Variants in USH2A observed in about 807,000 individuals in gnomAD.
The protein encoded by USH2A is Usher syndrome 2A (autosomal recessive, mild).
A neutral mutation model predicts 538.9 loss-of-function variants in USH2A; 443 were observed. That is an observed-to-expected ratio of 0.82 (90% CI 0.76 to 0.89). The LOEUF (loss-of-function observed/expected upper bound fraction) is 0.89, where lower values mean the gene tolerates loss of function less well. Ranked by LOEUF, USH2A falls within the 40% of genes least tolerant of loss-of-function variation. The pLI is 0.00. For missense variants in USH2A, 6,633 were observed against 6,324.8 expected, an observed-to-expected ratio of 1.05 and a Z score of -1.65; for synonymous variants, 2,413 against 2,273.5, an observed-to-expected ratio of 1.06 and a Z score of -1.75.
chr1:215,660,689 C>A (rs1472555159), intron 64 of USH2A, among the ~76,000 whole-genome samples: 1 of 151,902 alleles, frequency 6.6e-6, no homozygotes, highest in Non-Finnish European at 1.5e-5. Context: ...CAAACATGAA[C>A]AAAAGAAAAA....
intron 16 of USH2A, among the ~76,000 whole-genome samples, chr1:216,204,575 A>G (rs1440384910): frequency 2.0e-5 from 3 of 152,168 alleles, no homozygotes; most frequent in African/African-American, 7.2e-5. Context: ...AAAGGTCTCA[A>G]ACAAACTATC....
At chr1:216,177,696 C>A (rs1033769037) in intron 20 of USH2A, among the ~76,000 whole-genome samples, 2 of 152,014 alleles carry the variant, frequency 1.3e-5, no homozygotes, top group Non-Finnish European at 2.9e-5. Context: ...CCTGGGAAAC[C>A]CTAGGAGTCA....
intron 37 of USH2A, among the ~76,000 whole-genome samples, chr1:215,949,182 A>G (rs1266573837): frequency 6.6e-6 from 1 of 152,074 alleles, no homozygotes; most frequent in Non-Finnish European, 1.5e-5. Flanking sequence ...AAATATTATA[A>G]TAAAAATAAA....
intron 15 of USH2A, among the ~76,000 whole-genome samples, chr1:216,215,404 A>G (rs763046503): frequency 8.5e-5 from 13 of 152,058 alleles, no homozygotes; most frequent in Admixed American, 3.3e-4. Context: ...TGTGAAGCCA[A>G]TTGTTCTGGC....
intron 65 of USH2A, 149 bp downstream of exon 65, chr1:215,650,443 G>T (rs1571930668): frequency 1.1e-6 from 1 of 911,738 alleles, no homozygotes; most frequent in Non-Finnish European, 1.7e-6. Context: ...CTTCTCTGAG[G>T]GATATTTGTG....
At chr1:216,377,431 C>G (rs779711561) in intron 3 of USH2A, among the ~76,000 whole-genome samples, 18 of 152,020 alleles carry the variant, frequency 1.2e-4, no homozygotes, top group Non-Finnish European at 2.2e-4. Context: ...TAGGTATTTA[C>G]GGGTCAAATG....
intron 58 of USH2A, 51 bp from the exon 59 acceptor site, chr1:215,743,386 A>ATATATATATATATATGTGTGTG: frequency 3.2e-6 from 1 of 310,002 alleles, no homozygotes; most frequent in African/African-American, 3.3e-5. Flanking sequence ...ATATATATAT[A>ATATATATATATATATGTGTGTG]TGTGTGTGTG....
intron 37 of USH2A, among the ~76,000 whole-genome samples, chr1:215,940,058 T>C (rs972126686): frequency 1.3e-5 from 2 of 152,112 alleles, no homozygotes; most frequent in Admixed American, 6.6e-5. Context: ...ATGACAAAGA[T>C]TATAATGAGA....
At chr1:215,887,262 T>C (rs1665083846) in intron 41 of USH2A, among the ~76,000 whole-genome samples, 1 of 152,222 alleles carries the variant, frequency 6.6e-6, no homozygotes, top group Non-Finnish European at 1.5e-5. Context: ...GTGTTGCCTT[T>C]GTAAAGAGAC....
In USH2A at chr1:216,421,833, T is replaced by C. The variant is rs777536862; in HGVS notation, c.485+19A>G. The C allele has an allele frequency of 6.2e-7, 1 of 1,613,860 alleles. No homozygotes were observed. On this transcript the variant is annotated intron_variant, in intron 2 of 71. Transcript: ENST00000307340. ...GGTTTTGGGGACCTATGAAAGCTTATACCTACACTACTACTTACATTACAC... is the reference window on the plus strand; with the variant it reads ...GGTTTTGGGGACCTATGAAAGCTTACACCTACACTACTACTTACATTACAC...
intron 21 of USH2A, among the ~76,000 whole-genome samples, chr1:216,121,608 A>G (rs1446940249): frequency 6.6e-6 from 1 of 152,168 alleles, no homozygotes; most frequent in African/African-American, 2.4e-5. Flanking sequence ...GGCTATGCTA[A>G]TTACTGTCAT....
chr1:215,993,545 G>A (rs1668058007), intron 34 of USH2A, among the ~76,000 whole-genome samples: 1 of 101,050 alleles, frequency 9.9e-6, no homozygotes, highest in African/African-American at 4.6e-5. Context: ...CACACAGCAT[G>A]TGTACACATA....
Position 215,625,878 on chromosome 1 carries a change from A to G in USH2A, c.15520-8T>C. 6.2e-7 allele frequency: 1 copy of G among 1,613,734 alleles called. No homozygotes were observed. The highest frequency in any genetic ancestry group is 8.5e-7 in the Non-Finnish European group (1 of 1,179,628). On this transcript the variant is annotated splice_region_variant and splice_polypyrimidine_tract_variant and intron_variant, in intron 71 of 71. Transcript: ENST00000307340. ...GTCCTCTTCATCCACATACTGAAAA[A>G]TAAGCCAATCATCATTGGCTACATA... is the stretch of plus-strand genomic sequence containing the variant.
At chr1:216,024,026 C>T (rs1045486240) in intron 32 of USH2A, among the ~76,000 whole-genome samples, 3 of 151,968 alleles carry the variant, frequency 2.0e-5, no homozygotes, top group African/African-American at 7.2e-5. Flanking sequence ...GTGGTACTAG[C>T]CATATCTGAG....
In USH2A at chr1:215,885,419, G is replaced by T. The variant is rs189699768; in HGVS notation, c.8223+3007C>A. ...AAATTTTGAATCTGTACTCATAAAT[G>T]AAATTAGTCTATAGTTTCATTGAAC... On this transcript the variant is annotated intron_variant, in intron 41 of 71. Coordinates refer to ENST00000307340, the MANE Select transcript of USH2A (RefSeq NM_206933.4). Among the ~76,000 whole-genome samples, 64 of 152,206 alleles carry T rather than the reference G, an allele frequency of 4.2e-4. 1 individual carries two copies. Among genetic ancestry groups the T allele is most frequent in the Admixed American group, 3.7e-3 (57 of 15,290 alleles).
At chr1:216,145,482 A>T (rs529668211) in intron 21 of USH2A, among the ~76,000 whole-genome samples, 5 of 152,254 alleles carry the variant, frequency 3.3e-5, no homozygotes, top group Non-Finnish European at 7.3e-5. Context: ...GTATTTTAAG[A>T]TTAAAAAAAA....
chr1:215,966,475 A>G (rs558447766), intron 36 of USH2A, among the ~76,000 whole-genome samples: 82 of 152,206 alleles, frequency 5.4e-4, no homozygotes, highest in Non-Finnish European at 9.8e-4. Flanking sequence ...TGAAATCCTT[A>G]GGCAGAAATA....
At chr1:215,840,530 C>T (rs1001998552) in intron 46 of USH2A, among the ~76,000 whole-genome samples, 3 of 152,168 alleles carry the variant, frequency 2.0e-5, no homozygotes, top group Admixed American at 6.6e-5. Context: ...TTTCCACTCT[C>T]CTCAGGCTAC....
At chr1:216,366,518 T>A (rs1021172225) in intron 3 of USH2A, among the ~76,000 whole-genome samples, 1 of 152,064 alleles carries the variant, frequency 6.6e-6, no homozygotes, top group Non-Finnish European at 1.5e-5. Flanking sequence ...TTAATGAAGA[T>A]AAACATTTAT....
Sources: gnomAD v4.1 joint callset for allele counts (sites outside exome capture counted in the v4.1 genomes callset) on GRCh38, gnomAD v4.1.1 for gene constraint, MANE v1.5 for transcripts, NCBI Gene and HGNC (gene_info 2026-07-23, HGNC 2026-07-21) for gene names.